SPTAN1: variants seen among roughly 807,000 people sequenced by gnomAD.
The protein encoded by SPTAN1 is spectrin alpha chain, non-erythrocytic 1.
Under a neutral mutation model 331.3 loss-of-function variants are expected in SPTAN1, and 61 were observed. The ratio of observed to expected loss-of-function variants is 0.18; its 90% CI spans 0.15 to 0.23. The LOEUF (loss-of-function observed/expected upper bound fraction) is 0.23, where lower values mean the gene tolerates loss of function less well. SPTAN1 is among the 10% of genes least tolerant of loss of function. The probability of loss-of-function intolerance (pLI) is 1.00; values close to 1 mark genes in which losing one functional copy is unlikely to be tolerated. For missense variants in SPTAN1, 2,043 were observed against 3,147.9 expected (o/e 0.65, Z 8.40); for synonymous variants, 1,153 against 1,173.9 (o/e 0.98, Z 0.36).
chr9:128,633,153 G>A (rs200736013), intron 56 of SPTAN1, 56 bp from the exon 57 acceptor site: 79 of 1,612,538 alleles, frequency 4.9e-5, no homozygotes, highest in East Asian at 3.8e-4. Context: ...CTGGGAGGTC[G>A]GGTTTGAAGT....
chr9:128,595,802 A>G (rs1762625871), intron 24 of SPTAN1: 1 of 152,074 alleles, frequency 6.6e-6, no homozygotes, highest in Non-Finnish European at 1.5e-5. Context: ...GAATCACGTT[A>G]TGTCACTTTT....
Position 128,575,183 on chromosome 9 carries a change from T to TA in SPTAN1, c.505-15dup. ...TGTTGGTTGGTGACTCTGGCTCTCTTATGGTCCCTGAATAGGAAGCAATTG... is the reference window on the plus strand; with the variant it reads ...TGTTGGTTGGTGACTCTGGCTCTCTTAATGGTCCCTGAATAGGAAGCAATTG... On this transcript the variant is annotated splice_polypyrimidine_tract_variant and intron_variant, in intron 4 of 56. Coordinates refer to ENST00000372739, the MANE Select transcript of SPTAN1 (RefSeq NM_001130438.3). 1 of 1,614,134 alleles carries TA rather than the reference T, an allele frequency of 6.2e-7. No homozygotes were observed. Among genetic ancestry groups the TA allele is most frequent in the Non-Finnish European group, 8.5e-7 (1 of 1,180,012 alleles).
At chr9:128,621,607 C>G in intron 45 of SPTAN1, 1 of 370,036 alleles carries the variant, frequency 2.7e-6, no homozygotes, top group Non-Finnish European at 5.2e-6. Context: ...AAGCCCCACC[C>G]TGACACCACA....
At chr9:128,615,490 T>C (rs766409577) in intron 40 of SPTAN1, 142 bp from the exon 41 acceptor site, 12 of 803,498 alleles carry the variant, frequency 1.5e-5, no homozygotes, top group Non-Finnish European at 2.6e-5. Flanking sequence ...ATAGTGTGAG[T>C]TGATAGAATG....
At chr9:128,566,498 G>A (rs1269685804) in intron 1 of SPTAN1, among the ~76,000 whole-genome samples, 1 of 152,124 alleles carries the variant, frequency 6.6e-6, no homozygotes, top group Non-Finnish European at 1.5e-5. Flanking sequence ...TTTCCTTGCC[G>A]TGTGTGGGTT....
intron 1 of SPTAN1, among the ~76,000 whole-genome samples, chr9:128,557,620 C>T (rs889710375): frequency 2.0e-5 from 3 of 150,846 alleles, no homozygotes; most frequent in African/African-American, 7.3e-5. Context: ...ATGAAAATTC[C>T]CCAAATACCA....
At chr9:128,563,426 CAAAA>C (rs762018589) in intron 1 of SPTAN1, among the ~76,000 whole-genome samples, 2 of 150,698 alleles carry the variant, frequency 1.3e-5, no homozygotes, top group African/African-American at 2.4e-5. Context: ...AAACAAAAAA[CAAAA>C]AAACGCCACT....
rs990426186 is a variant in SPTAN1 at position 128,607,706 on chromosome 9, G to T, written c.4146+3G>T. 11 of 1,613,820 alleles carry T rather than the reference G, an allele frequency of 6.8e-6. No homozygotes were observed. In the East Asian group the frequency reaches 2.2e-4, roughly 33 times the overall value. On this transcript the variant is annotated splice_donor_region_variant and intron_variant, in intron 32 of 56. Coordinates refer to ENST00000372739, the MANE Select transcript of SPTAN1 (RefSeq NM_001130438.3). ...AGGCATTGCTGGAGCGACACCAGGT[G>T]GGTGGACCTGCCTGCTGAGTAGCAA...
rs373030015 is a variant in SPTAN1, at chr9:128,582,784, G to A, written c.1741G>A (p.Asp581Asn). The A allele has an allele frequency of 1.9e-6, 3 of 1,613,870 alleles. No individual in the cohort carries two copies. Among genetic ancestry groups the A allele is most frequent in the African/African-American group, 2.7e-5 (2 of 74,912 alleles). Residue 581 changes from aspartate (D) to asparagine (N), a missense_variant, in exon 14 of 57, where the codon GAT (aspartate) becomes AAT (asparagine). Physicochemically the swap from Asp to Asn is conservative, Grantham distance 23. This residue lies in a region of SPTAN1 where 1,038 missense variants were observed against 1,531.5 expected (regional missense o/e 0.68). Coordinates refer to ENST00000372739, the MANE Select transcript of SPTAN1 (RefSeq NM_001130438.3). ...DSFHLQQFFR[D>N]SDELKSWVNE... ...TTTCCATCTGCAGCAGTTTTTCCGT[G>A]ATTCTGATGAGCTCAAGAGTTGGGT...
Position 128,588,866 on chromosome 9 carries a change from G to C in SPTAN1, c.2929G>C (p.Asp977His), listed in dbSNP as rs1853044906. The C allele has an allele frequency of 6.2e-7, 1 of 1,614,110 alleles. No individual in the cohort carries two copies. The part of the protein sequence containing the change: ...TGKELVLALY[D>H]YQEKSPREVT... Reference sequence around the variant, plus strand: ...GAAGGAGCTGGTCTTGGCTCTCTACGACTATCAGGAGAAGAGTCCCCGAGA... The same window carrying C: ...GAAGGAGCTGGTCTTGGCTCTCTACCACTATCAGGAGAAGAGTCCCCGAGA... The change falls in exon 21 of 57, where the codon GAC (aspartate) becomes CAC (histidine). Residue 977 changes from aspartate to histidine, a missense_variant. By Grantham distance (81) the Asp-to-His change is moderately conservative (BLOSUM62 -1). Coordinates refer to ENST00000372739, the MANE Select transcript of SPTAN1 (RefSeq NM_001130438.3).
chr9:128,617,593 C>G, intron 41 of SPTAN1, 47 bp from the exon 42 acceptor site: 1 of 1,613,328 alleles, frequency 6.2e-7, no homozygotes, highest in South Asian at 1.1e-5. Context: ...CACTTGAAAG[C>G]AGGGAGGTGC....
chr9:128,567,503 G>A (rs185066020), intron 2 of SPTAN1, among the ~76,000 whole-genome samples: 1 of 152,002 alleles, frequency 6.6e-6, no homozygotes, highest in Non-Finnish European at 1.5e-5. Context: ...TGTTGGCCAG[G>A]CTGGTCTTGA....
intron 10 of SPTAN1, among the ~76,000 whole-genome samples, chr9:128,580,423 AAAT>A (rs1261741176): frequency 6.6e-6 from 1 of 151,946 alleles, no homozygotes; most frequent in Non-Finnish European, 1.5e-5. Context: ...AACATTAGAT[AAAT>A]AATGATTTAT....
At chr9:128,610,429 G>C (rs1414087878) in intron 37 of SPTAN1, among the ~76,000 whole-genome samples, 1 of 152,144 alleles carries the variant, frequency 6.6e-6, no homozygotes, top group Non-Finnish European at 1.5e-5. Context: ...GGGATCAGGC[G>C]GTGGGAGAAC....
chr9:128,557,799 C>CTTTT (rs72214808), intron 1 of SPTAN1, among the ~76,000 whole-genome samples: 8 of 84,986 alleles, frequency 9.4e-5, no homozygotes, highest in African/African-American at 2.2e-4. Context: ...TTAGAAATTT[C>CTTTT]TTTTTTTTTT....
intron 15 of SPTAN1, 101 bp from the exon 16 acceptor site, chr9:128,583,687 C>A: frequency 8.0e-7 from 1 of 1,254,416 alleles, no homozygotes; most frequent in Non-Finnish European, 1.2e-6. Context: ...GAATAAAATT[C>A]TGACCTGTAT....
chr9:128,608,888 T>G lies in SPTAN1; in HGVS notation c.4506T>G (p.Ala1502=). 2 of 1,614,124 alleles carry G rather than the reference T, an allele frequency of 1.2e-6. No individual in the cohort carries two copies. The highest frequency in any genetic ancestry group is 1.7e-6 in the Non-Finnish European group (2 of 1,180,032). ...KAINVQEEKI[A]ALQAFADQLI... The stretch of plus-strand genomic sequence containing the variant: ...TTTTCTGACAGGAAGAGAAGATTGC[T>G]GCTCTGCAGGCCTTTGCCGACCAGC... The change falls in exon 35 of 57, where the codon GCT becomes GCG. Residue 1502 remains alanine (A), a synonymous_variant. Transcript: ENST00000372739.
Position 128,566,787 on chromosome 9 carries a change from A to G in SPTAN1, c.47A>G (p.Gln16Arg), listed in dbSNP as rs2132957298. 1 of 1,614,256 alleles carries G rather than the reference A, an allele frequency of 6.2e-7. No homozygotes were observed. The highest frequency in any genetic ancestry group is 8.5e-7 in the Non-Finnish European group (1 of 1,180,040). The change falls in exon 2 of 57, where the codon CAG becomes CGG. Residue 16 changes from glutamine (Q) to arginine (R), a missense_variant. By Grantham distance (43) the Gln-to-Arg change is conservative (BLOSUM62 1). Coordinates refer to ENST00000372739, the MANE Select transcript of SPTAN1 (RefSeq NM_001130438.3). ...VKVLETAEDI[Q>R]ERRQQVLDRY... Reference sequence around the variant, plus strand: ...GTGCTGGAAACAGCAGAGGACATCCAGGAGAGGCGGCAGCAGGTCCTAGAC... The same window carrying G: ...GTGCTGGAAACAGCAGAGGACATCCGGGAGAGGCGGCAGCAGGTCCTAGAC...
rs537969066 is a variant in SPTAN1 at position 128,583,031 on chromosome 9, C to T, written c.1807-46C>T. The T allele has an allele frequency of 6.0e-5, 96 of 1,598,780 alleles. No homozygotes were observed. In the Middle Eastern group the frequency reaches 8.9e-4, roughly 15 times the overall value. On this transcript the variant is annotated intron_variant, in intron 14 of 56. Transcript: ENST00000372739. ...ATGAAGGTAGTGCAAGGGAACTTGA[C>T]GTTCTCAGGTTCAAGATAGAAAGAA... is the stretch of plus-strand genomic sequence containing the variant.
Sources: allele counts gnomAD v4.1 joint callset (sites outside exome capture counted in the v4.1 genomes callset), GRCh38; gene constraint gnomAD v4.1.1; regional missense constraint gnomAD v4.1.1; transcripts MANE v1.5; gene names NCBI Gene and HGNC (gene_info 2026-07-23, HGNC 2026-07-21).